Variants in GRID2 observed in about 807,000 individuals in gnomAD.
GRID2 encodes glutamate ionotropic receptor delta type subunit 2, also known as glutamate receptor ionotropic, delta-2.
Under a neutral mutation model 114.8 loss-of-function variants are expected in GRID2, and 33 were observed. The ratio of observed to expected loss-of-function variants is 0.29; its 90% confidence interval spans 0.22 to 0.38. The LOEUF (loss-of-function observed/expected upper bound fraction) is 0.38. Among genes scored for constraint, GRID2 ranks in the 10% least tolerant of loss-of-function variants. GRID2 has a pLI of 1.00. For missense variants in GRID2, 1,184 were observed against 1,257.7 expected (o/e 0.94, Z 0.89); for synonymous variants, 505 against 449.9 (o/e 1.12, Z -1.55).
intron 4 of GRID2, among the ~76,000 whole-genome samples, chr4:93,128,703 C>CCTGA (rs70942950): frequency 0.46 from 69,649 of 151,528 alleles, 16,613 homozygotes; most frequent in Admixed American, 0.6. Context: ...GCGGCATGAG[C>CCTGA]CTATTTCTTA....
intron 1 of GRID2, among the ~76,000 whole-genome samples, chr4:92,478,049 T>C (rs1013236001): frequency 2.0e-5 from 3 of 151,592 alleles, no homozygotes; most frequent in African/African-American, 7.3e-5. Flanking sequence ...GGCCTAGAAA[T>C]TGATCTAAAT....
Position 93,515,282 on chromosome 4 carries a change from T to C in GRID2, c.2064T>C (p.Tyr688=). Residue 688 remains tyrosine, a synonymous_variant, in exon 13 of 16, where the codon TAT becomes TAC. Coordinates refer to ENST00000282020, the MANE Select transcript of GRID2 (RefSeq NM_001510.4). ...GCACAGTCCTAGACTCTGCGGTATATGAGCATGTCCGCATGAAAGGACTGA... is the reference window on the plus strand; with the variant it reads ...GCACAGTCCTAGACTCTGCGGTATACGAGCATGTCCGCATGAAAGGACTGA... ...PYGTVLDSAV[Y]EHVRMKGLNP... is the part of the protein sequence containing the mutation. 2 of 1,609,858 alleles carry C rather than the reference T, an allele frequency of 1.2e-6. No individual in the cohort carries two copies. Among genetic ancestry groups the C allele is most frequent in the South Asian group, 1.1e-5 (1 of 91,020 alleles).
chr4:93,235,797 C>A (rs1053999910), intron 7 of GRID2, among the ~76,000 whole-genome samples: 3 of 151,978 alleles, frequency 2.0e-5, no homozygotes, highest in African/African-American at 7.2e-5. Context: ...TTCAAGTAAA[C>A]TAAGTCATTC....
chr4:93,385,560 T>C (rs116195163), intron 8 of GRID2, among the ~76,000 whole-genome samples: 325 of 152,242 alleles, frequency 2.1e-3, no homozygotes, highest in Non-Finnish European at 4.1e-3. Context: ...CATACGTCAG[T>C]GAATAGAAGA....
chr4:92,326,396 A>T (rs185467564), intron 1 of GRID2, among the ~76,000 whole-genome samples: 1 of 152,050 alleles, frequency 6.6e-6, no homozygotes, highest in Admixed American at 6.6e-5. Flanking sequence ...TCTATGGTGT[A>T]TAAAGGATTA....
At chr4:93,571,143 G>C (rs1034355932) in intron 13 of GRID2, among the ~76,000 whole-genome samples, 4 of 152,090 alleles carry the variant, frequency 2.6e-5, no homozygotes, top group African/African-American at 9.7e-5. Context: ...CTACTACTTA[G>C]TGTATCTCTA....
At chr4:93,070,065 T>C (rs1728677348) in intron 2 of GRID2, among the ~76,000 whole-genome samples, 1 of 152,152 alleles carries the variant, frequency 6.6e-6, no homozygotes, top group Non-Finnish European at 1.5e-5. Flanking sequence ...ATTACCTTTT[T>C]ATATTTAAGT....
At chr4:92,885,776 T>A (rs1192864190) in intron 2 of GRID2, among the ~76,000 whole-genome samples, 1 of 152,212 alleles carries the variant, frequency 6.6e-6, no homozygotes, top group Non-Finnish European at 1.5e-5. Flanking sequence ...AAAGGAACTT[T>A]GATTTACTTA....
chr4:93,525,268 G>A (rs564990024), intron 13 of GRID2, among the ~76,000 whole-genome samples: 2 of 152,118 alleles, frequency 1.3e-5, no homozygotes, highest in South Asian at 2.1e-4. Flanking sequence ...ATTTAATTAG[G>A]TAACAGAAAT....
intron 11 of GRID2, among the ~76,000 whole-genome samples, chr4:93,462,055 T>G (rs745637988): frequency 1.3e-5 from 2 of 152,154 alleles, no homozygotes; most frequent in Non-Finnish European, 2.9e-5. Context: ...TTTATAGTCA[T>G]GTAAAATATT....
chr4:93,772,021 TAACCA>T, intron 15 of GRID2, 50 bp from the exon 16 acceptor site: 1 of 1,027,070 alleles, frequency 9.7e-7, no homozygotes, highest in Non-Finnish European at 1.5e-6. Flanking sequence ...TTTTTTTTTT[TAACCA>T]TCAAAGCTAG....
At chr4:93,126,609 T>C (rs889266432) in intron 4 of GRID2, among the ~76,000 whole-genome samples, 10 of 127,754 alleles carry the variant, frequency 7.8e-5, no homozygotes, top group Non-Finnish European at 1.5e-4. Flanking sequence ...TTTTTTTTTT[T>C]TTTTTTGAGA....
At chr4:93,527,538 A>G (rs1259874116) in intron 13 of GRID2, among the ~76,000 whole-genome samples, 1 of 151,946 alleles carries the variant, frequency 6.6e-6, no homozygotes, top group East Asian at 1.9e-4. Flanking sequence ...TGCACAATAC[A>G]TTTTAAAAAA....
At position 92,652,736 on chromosome 4, in the gene GRID2, T is replaced by TG. The variant is rs1172583771; in HGVS notation, c.244+62457dup. ...CTGTAATCCCAGCACTTTGGGAGGCTGGGGGGGTTGGGGGGTGGATCACAA... is the reference window on the plus strand; with the variant it reads ...CTGTAATCCCAGCACTTTGGGAGGCTGGGGGGGGTTGGGGGGTGGATCACAA... On this transcript the variant is annotated intron_variant, in intron 2 of 15. Transcript: ENST00000282020. Among the ~76,000 whole-genome samples the TG allele has an allele frequency of 5.9e-4, 82 of 138,854 alleles. 5 individuals are homozygous for TG. The highest frequency in any genetic ancestry group is 1.1e-3 in the Non-Finnish European group (70 of 64,474). 91.1% of individuals were successfully genotyped at this position (138,854 alleles called of 152,430 possible).
chr4:93,211,398 T>G (rs1308550729), intron 5 of GRID2, among the ~76,000 whole-genome samples: 1 of 152,170 alleles, frequency 6.6e-6, no homozygotes, highest in East Asian at 1.9e-4. Context: ...TTATTAAATT[T>G]TATTTCATAA....
intron 4 of GRID2, among the ~76,000 whole-genome samples, chr4:93,187,509 G>A (rs932944163): frequency 6.6e-6 from 1 of 152,048 alleles, no homozygotes; most frequent in Admixed American, 6.6e-5. Flanking sequence ...TCCTGACCTT[G>A]TCAAGTGATT....
At chr4:93,264,113 T>G (rs1306982410) in intron 8 of GRID2, among the ~76,000 whole-genome samples, 1 of 152,194 alleles carries the variant, frequency 6.6e-6, no homozygotes, top group African/African-American at 2.4e-5. Flanking sequence ...AACTCAAGTT[T>G]AGTGCAGACT....
intron 8 of GRID2, among the ~76,000 whole-genome samples, chr4:93,240,601 G>A (rs1747387027): frequency 6.6e-6 from 1 of 151,036 alleles, no homozygotes; most frequent in Admixed American, 6.6e-5. Context: ...TTTAAATTTA[G>A]AGGAACTATG....
At chr4:93,127,172 T>C (rs562531541) in intron 4 of GRID2, among the ~76,000 whole-genome samples, 1 of 152,338 alleles carries the variant, frequency 6.6e-6, no homozygotes, top group African/African-American at 2.4e-5. Flanking sequence ...TTTTATTTTT[T>C]GTTTGCTTAG....
Sources: gnomAD v4.1 joint callset for allele counts (sites outside exome capture counted in the v4.1 genomes callset) on GRCh38, gnomAD v4.1.1 for gene constraint, MANE v1.5 for transcripts, NCBI Gene and HGNC (gene_info 2026-07-23, HGNC 2026-07-21) for gene names.